Variants in SIAH3 observed in about 807,000 individuals in gnomAD.
The protein encoded by SIAH3 is siah E3 ubiquitin protein ligase family member 3, also known as seven in absentia homolog 3.
A neutral mutation model predicts 12.6 loss-of-function variants in SIAH3; 9 were observed. The ratio of observed to expected loss-of-function variants is 0.72; its 90% confidence interval spans 0.43 to 1.25. The LOEUF (loss-of-function observed/expected upper bound fraction) is 1.25. Among genes scored for constraint, SIAH3 ranks in the 50% most tolerant of loss-of-function variants. The probability of loss-of-function intolerance (pLI) is 0.00; values close to 1 mark genes in which losing one functional copy is unlikely to be tolerated. For missense variants in SIAH3, 390 were observed against 365.4 expected (o/e 1.07, Z -0.55); for synonymous variants, 154 against 151.1 (o/e 1.02, Z -0.14).
At position 45,785,371 on chromosome 13, in the gene SIAH3, G is replaced by T. The variant is rs1002633987; in HGVS notation, c.136-1314C>A. 5.3e-5 allele frequency among the ~76,000 whole-genome samples: 8 copies of T among 152,322 alleles called. No homozygotes were observed. The South Asian group carries it at 1.7e-3, about 32-fold the overall frequency. On this transcript the variant is annotated intron_variant, in intron 1 of 1. Transcript: ENST00000400405. ...GGACTTCAGATGCCTTTGGGCACTT[G>T]CCTCCTCACCCTGCTTCAGTTCATT...
intron 1 of SIAH3, among the ~76,000 whole-genome samples, chr13:45,787,328 A>G (rs1035865915): frequency 6.6e-6 from 1 of 152,140 alleles, no homozygotes; most frequent in African/African-American, 2.4e-5. Flanking sequence ...TCATTAAGCC[A>G]TTCAGCATAC....
At chr13:45,805,010 A>AC (rs1555257627) in intron 1 of SIAH3, among the ~76,000 whole-genome samples, 2,239 of 133,946 alleles carry the variant, frequency 0.017, 39 homozygotes, top group East Asian at 0.033. Flanking sequence ...ACACACACAC[A>AC]AAATACTTTG....
At chr13:45,822,849 T>C (rs1950661154) in intron 1 of SIAH3, among the ~76,000 whole-genome samples, 1 of 152,004 alleles carries the variant, frequency 6.6e-6, no homozygotes, top group Non-Finnish European at 1.5e-5. Flanking sequence ...GCCTGCCCCA[T>C]GGCCTCCTCC....
chr13:45,851,680 AGTCCTTG>A lies in SIAH3; in HGVS notation c.-58_-52del. On this transcript the variant is annotated 5_prime_UTR_variant, in exon 1 of 2. Transcript: ENST00000400405. Reference sequence around the variant, plus strand: ...CGGGAAGGCAGCGGAGGAAGCTGTGAGTCCTTGGGCCCTGGAAGGAGCGCAGCCTCTG... The same window carrying A: ...CGGGAAGGCAGCGGAGGAAGCTGTGAGGCCCTGGAAGGAGCGCAGCCTCTG... 1 of 1,612,704 alleles carries A rather than the reference AGTCCTTG, an allele frequency of 6.2e-7. No homozygotes were observed. The highest frequency in any genetic ancestry group is 1.1e-5 in the South Asian group (1 of 90,948).
chr13:45,845,106 A>G (rs1225017502), intron 1 of SIAH3, among the ~76,000 whole-genome samples: 1 of 152,132 alleles, frequency 6.6e-6, no homozygotes, highest in African/African-American at 2.4e-5. Flanking sequence ...ACTATGCTAT[A>G]TATTTAATCT....
At chr13:45,825,121 G>T (rs1255007729) in intron 1 of SIAH3, among the ~76,000 whole-genome samples, 1 of 152,154 alleles carries the variant, frequency 6.6e-6, no homozygotes, top group East Asian at 1.9e-4. Context: ...ACATGAAGCT[G>T]GGGGAAATAA....
At chr13:45,806,308 A>T (rs1950598092) in intron 1 of SIAH3, among the ~76,000 whole-genome samples, 1 of 152,212 alleles carries the variant, frequency 6.6e-6, no homozygotes, top group South Asian at 2.1e-4. Flanking sequence ...AAAGACATGG[A>T]ATCAACCCAG....
In SIAH3 at chr13:45,840,139, T is replaced by G. The variant is rs141946649; in HGVS notation, c.135+11356A>C. On this transcript the variant is annotated intron_variant, in intron 1 of 1. Coordinates refer to ENST00000400405, the MANE Select transcript of SIAH3 (RefSeq NM_198849.3). Reference sequence around the variant, plus strand: ...TGTGCGTGGTGGTGTGCACCTGTAATTCCAGCTACTTGGGAGGCTGAGGTG... The same window carrying G: ...TGTGCGTGGTGGTGTGCACCTGTAAGTCCAGCTACTTGGGAGGCTGAGGTG... 1.1e-4 allele frequency among the ~76,000 whole-genome samples: 16 copies of G among 152,176 alleles called. No homozygotes were observed. In the East Asian group the frequency reaches 3.1e-3, roughly 30 times the overall value.
chr13:45,784,366 A>T, intron 1 of SIAH3, among the ~76,000 whole-genome samples: 1 of 136,072 alleles, frequency 7.3e-6, no homozygotes, highest in South Asian at 2.5e-4. Flanking sequence ...ATGCAGTAGG[A>T]TGGTCATCAA....
chr13:45,807,790 C>T (rs1249437137), intron 1 of SIAH3, among the ~76,000 whole-genome samples: 1 of 152,136 alleles, frequency 6.6e-6, no homozygotes, highest in Non-Finnish European at 1.5e-5. Context: ...ATTGACATTG[C>T]ATATGCCCAG....
At position 45,783,362 on chromosome 13, in the gene SIAH3, G is replaced by C. The variant is rs1950512439; in HGVS notation, c.*21C>G. 1.9e-6 allele frequency: 3 copies of C among 1,592,704 alleles called. No individual in the cohort carries two copies. In the African/African-American group the frequency reaches 4.0e-5, roughly 21 times the overall value. ...GCGTTTCCTAGGGAGGCTGTGTGGG[G>C]AGCATCCGTGGCTCCTGGCCTCACA... is the stretch of plus-strand genomic sequence containing the variant. On this transcript the variant is annotated 3_prime_UTR_variant, in exon 2 of 2. Transcript: ENST00000400405.
At chr13:45,837,677 C>T (rs12430490) in intron 1 of SIAH3, among the ~76,000 whole-genome samples, 68,454 of 151,270 alleles carry the variant, frequency 0.45, 16,225 homozygotes, top group Admixed American at 0.6. Context: ...AAAGAACTAC[C>T]GTGTGCCAGG....
chr13:45,812,936 T>C (rs529363961), intron 1 of SIAH3, among the ~76,000 whole-genome samples: 3 of 152,344 alleles, frequency 2.0e-5, no homozygotes, highest in East Asian at 3.9e-4. Context: ...GCTGGAAATG[T>C]GAGGCCGTGT....
At chr13:45,849,056 G>A (rs926393540) in intron 1 of SIAH3, among the ~76,000 whole-genome samples, 2 of 152,200 alleles carry the variant, frequency 1.3e-5, no homozygotes, top group African/African-American at 4.8e-5. Flanking sequence ...CTCCTATGGA[G>A]TTAGTCCTTT....
At chr13:45,846,653 G>C (rs1255599885) in intron 1 of SIAH3, among the ~76,000 whole-genome samples, 2 of 152,192 alleles carry the variant, frequency 1.3e-5, no homozygotes, top group Non-Finnish European at 2.9e-5. Flanking sequence ...GGATTTCAAA[G>C]AAAGCTTTCC....
In SIAH3 at chr13:45,781,235, C is replaced by T. The variant is rs1407729796; in HGVS notation, c.*2148G>A. 1 of 152,614 alleles carries T rather than the reference C, an allele frequency of 6.6e-6. No homozygotes were observed. Among genetic ancestry groups the T allele is most frequent in the Non-Finnish European group, 1.5e-5 (1 of 68,028 alleles). 9.5% of individuals were successfully genotyped at this position (152,614 alleles called of 1,614,324 possible). A position where few individuals can be genotyped will look rare whatever the true frequency, so the allele number is the denominator to read the frequency against. ...AGGCCCTGTGAATGTTAGTTATATT[C>T]TTAGTGAGGTTTTTGTTTGTTGATC... On this transcript the variant is annotated 3_prime_UTR_variant, in exon 2 of 2. Coordinates refer to ENST00000400405, the MANE Select transcript of SIAH3 (RefSeq NM_198849.3).
intron 1 of SIAH3, among the ~76,000 whole-genome samples, chr13:45,841,748 G>T (rs7324814): frequency 6.6e-6 from 1 of 152,180 alleles, no homozygotes; most frequent in African/African-American, 2.4e-5. Context: ...CTGTTTGAAG[G>T]TCTGGGATAA....
intron 1 of SIAH3, among the ~76,000 whole-genome samples, chr13:45,844,499 C>T (rs530275862): frequency 7.9e-5 from 12 of 152,316 alleles, no homozygotes; most frequent in African/African-American, 2.9e-4. Context: ...CATTGGCTTC[C>T]CTGGTTCTAA....
chr13:45,843,032 C>CTGTGTGTGTGTGTG lies in SIAH3; in HGVS notation c.135+8462_135+8463insCACACACACACACA, dbSNP rs746384493. Among the ~76,000 whole-genome samples the CTGTGTGTGTGTGTG allele has an allele frequency of 3.5e-3, 449 of 126,986 alleles. 2 individuals carry two copies. The highest frequency in any genetic ancestry group is 4.1e-3 in the Non-Finnish European group (261 of 63,090). The allele number at this position is 126,986 out of a possible 152,430, so 83.3% of individuals were successfully genotyped here. On this transcript the variant is annotated intron_variant, in intron 1 of 1. Transcript: ENST00000400405. ...ATTGCCATTATTTCTCTCTCTCTCT[C>CTGTGTGTGTGTGTG]TCTGTGTGTGTGTGTGTGTGTGTGT... is the stretch of plus-strand genomic sequence containing the variant.
Sources: gnomAD v4.1 joint callset for allele counts (sites outside exome capture counted in the v4.1 genomes callset) on GRCh38, gnomAD v4.1.1 for gene constraint, MANE v1.5 for transcripts, NCBI Gene and HGNC (gene_info 2026-07-23, HGNC 2026-07-21) for gene names.